XPOT: variants seen among roughly 807,000 people sequenced by gnomAD.
XPOT encodes exportin for tRNA, also known as exportin-T.
Under a neutral mutation model 128.2 loss-of-function variants are expected in XPOT, and 34 were observed. The ratio of observed to expected loss-of-function variants is 0.27; its 90% CI spans 0.20 to 0.35. XPOT has a LOEUF of 0.35. XPOT is among the 10% of genes least tolerant of loss of function. XPOT has a pLI of 1.00. For missense variants in XPOT, 838 were observed against 1,125.3 expected (o/e 0.74, Z 3.65); for synonymous variants, 348 against 394.3 (o/e 0.88, Z 1.39).
intron 21 of XPOT, among the ~76,000 whole-genome samples, chr12:64,435,153 A>G (rs1402802162): frequency 6.6e-6 from 1 of 152,176 alleles, no homozygotes; most frequent in African/African-American, 2.4e-5. Context: ...GACTTTTTCT[A>G]GGACCATGAA....
Position 64,418,128 on chromosome 12 carries a change from TTTCA to T in XPOT, c.270+18_270+21del. On this transcript the variant is annotated intron_variant, in intron 5 of 24. Transcript: ENST00000332707. ...GCTGCAAGCTCAGGTAAAATCATAA[TTTCA>T]TTCAGTACCTCAAATTATTAGATAT... 3.1e-6 allele frequency: 5 copies of T among 1,604,912 alleles called. No individual in the cohort carries two copies. Among genetic ancestry groups the T allele is most frequent in the Non-Finnish European group, 3.4e-6 (4 of 1,173,656 alleles).
At chr12:64,433,381 C>G (rs2040255065) in intron 18 of XPOT, 33 bp from the exon 19 acceptor site, 2 of 1,491,862 alleles carry the variant, frequency 1.3e-6, no homozygotes, top group South Asian at 1.4e-5. Flanking sequence ...AATATTGTTA[C>G]TAATTTCTGA....
chr12:64,434,894 T>C lies in XPOT; in HGVS notation c.2670T>C (p.Asp890=). Residue 890 remains aspartate, a synonymous_variant, in exon 21 of 25, where the codon GAT becomes GAC. Transcript: ENST00000332707. ...APLKQTFDLA[D]AQTVLALSEC... ...TAAAACAAACCTTTGACCTGGCAGA[T>C]GCACAAACAGTATTGGTAAGCACCT... 6.2e-7 allele frequency: 1 copy of C among 1,612,568 alleles called. No individual in the cohort carries two copies. Among genetic ancestry groups the C allele is most frequent in the South Asian group, 1.1e-5 (1 of 91,014 alleles).
At chr12:64,408,176 C>T (rs545588645) in intron 1 of XPOT, among the ~76,000 whole-genome samples, 3 of 152,188 alleles carry the variant, frequency 2.0e-5, no homozygotes, top group Admixed American at 6.5e-5. Context: ...GTGGCGTGAT[C>T]CCAGCTCACT....
intron 11 of XPOT, among the ~76,000 whole-genome samples, 198 bp downstream of exon 11, chr12:64,423,442 C>T (rs1034982667): frequency 6.6e-6 from 1 of 151,996 alleles, no homozygotes; most frequent in Non-Finnish European, 1.5e-5. Context: ...TATCCATTAA[C>T]AACCACCCCC....
At chr12:64,445,421 G>T (rs563044463) in intron 24 of XPOT, among the ~76,000 whole-genome samples, 75 of 152,064 alleles carry the variant, frequency 4.9e-4, no homozygotes, top group African/African-American at 1.8e-3. Context: ...GAAAAGAAGG[G>T]GCTAAAAATA....
In XPOT at chr12:64,418,933, G is replaced by A. The variant is rs751025037; in HGVS notation, c.328G>A (p.Ala110Thr). 21 of 1,613,778 alleles carry A rather than the reference G, an allele frequency of 1.3e-5. No individual in the cohort carries two copies. Among genetic ancestry groups the A allele is most frequent in the South Asian group, 3.3e-5 (3 of 91,084 alleles). The change falls in exon 6 of 25, where the codon GCC becomes ACC. Residue 110 changes from alanine (A) to threonine (T), a missense_variant. By Grantham distance (58) the Ala-to-Thr change is moderately conservative (BLOSUM62 0). Transcript: ENST00000332707. ...ACGAAATAAAGCCGCCCAAGTCTTC[G>A]CCTTGCTTTTTGTTACAGAGTATCT... ...FIRNKAAQVF[A>T]LLFVTEYLTK...
chr12:64,435,729 C>A, intron 22 of XPOT, 55 bp downstream of exon 22: 1 of 1,513,900 alleles, frequency 6.6e-7, no homozygotes, highest in Non-Finnish European at 8.9e-7. Flanking sequence ...GTATTATTAT[C>A]TTGTTCTTGA....
chr12:64,448,176 T>C lies in XPOT; in HGVS notation c.*45T>C. The stretch of plus-strand genomic sequence containing the variant: ...CTACTTCATGATCATGAATTCCAGT[T>C]AATTTATAAAGAGGCGATTTTTGTG... On this transcript the variant is annotated 3_prime_UTR_variant, in exon 25 of 25. Coordinates refer to ENST00000332707, the MANE Select transcript of XPOT (RefSeq NM_007235.6). 1 of 1,605,438 alleles carries C rather than the reference T, an allele frequency of 6.2e-7. No homozygotes were observed. The highest frequency in any genetic ancestry group is 8.5e-7 in the Non-Finnish European group (1 of 1,172,272).
chr12:64,407,148 TC>T (rs1028498395), intron 1 of XPOT, among the ~76,000 whole-genome samples: 4 of 152,162 alleles, frequency 2.6e-5, no homozygotes, highest in African/African-American at 9.7e-5. Context: ...CTCTACTATG[TC>T]CTAGGGACAT....
chr12:64,406,011 T>A (rs1456120649), intron 1 of XPOT, among the ~76,000 whole-genome samples: 1 of 152,262 alleles, frequency 6.6e-6, no homozygotes, highest in Admixed American at 6.5e-5. Context: ...GTTTATTGGC[T>A]ATGTTTTCCT....
intron 18 of XPOT, among the ~76,000 whole-genome samples, chr12:64,432,747 G>A (rs572574275): frequency 1.3e-5 from 2 of 152,064 alleles, no homozygotes; most frequent in Non-Finnish European, 2.9e-5. Flanking sequence ...ATTAAACAAT[G>A]TTTTTTACCT....
chr12:64,432,309 G>A (rs772520930), intron 18 of XPOT, among the ~76,000 whole-genome samples: 1 of 151,696 alleles, frequency 6.6e-6, no homozygotes, highest in Non-Finnish European at 1.5e-5. Context: ...GCAGTGGCGC[G>A]GTCACAACTC....
At chr12:64,429,594 C>T (rs2040221141) in intron 16 of XPOT, among the ~76,000 whole-genome samples, 1 of 151,962 alleles carries the variant, frequency 6.6e-6, no homozygotes. Flanking sequence ...AGGTGCGCCA[C>T]CACACCCAGC....
At chr12:64,446,884 A>G (rs2040370910) in intron 24 of XPOT, among the ~76,000 whole-genome samples, 1 of 152,154 alleles carries the variant, frequency 6.6e-6, no homozygotes, top group Non-Finnish European at 1.5e-5. Context: ...GGGCACTATC[A>G]ATACTGTTCT....
intron 1 of XPOT, 171 bp downstream of exon 1, chr12:64,404,975 G>T (rs1407988107): frequency 6.6e-6 from 1 of 152,320 alleles, no homozygotes; most frequent in East Asian, 1.9e-4. Context: ...GGGTGGGGGT[G>T]GGTACGAGCC....
chr12:64,423,832 A>C (rs10784408), intron 11 of XPOT, among the ~76,000 whole-genome samples: 24,977 of 152,098 alleles, frequency 0.16, 2,134 homozygotes, highest in Middle Eastern at 0.25. Flanking sequence ...ATCATATTTC[A>C]CTTTATATTT....
chr12:64,444,278 C>T (rs928595163), intron 23 of XPOT, among the ~76,000 whole-genome samples: 4 of 152,164 alleles, frequency 2.6e-5, no homozygotes, highest in Non-Finnish European at 5.9e-5. Flanking sequence ...TCTAGGAGAG[C>T]TATGTTCTCA....
intron 24 of XPOT, among the ~76,000 whole-genome samples, chr12:64,447,396 CT>C (rs1437996987): frequency 6.6e-6 from 1 of 152,212 alleles, no homozygotes; most frequent in African/African-American, 2.4e-5. Flanking sequence ...CTTGGAAGTA[CT>C]TTTGAATCAT....
Sources: allele counts gnomAD v4.1 joint callset (sites outside exome capture counted in the v4.1 genomes callset), GRCh38; gene constraint gnomAD v4.1.1; transcripts MANE v1.5; gene names NCBI Gene and HGNC (gene_info 2026-07-23, HGNC 2026-07-21).